ALPK1: variants seen among roughly 807,000 people sequenced by gnomAD.
ALPK1 encodes alpha kinase 1.
A neutral mutation model predicts 120.6 loss-of-function variants in ALPK1; 110 were observed. The ratio of observed to expected loss-of-function variants is 0.91; its 90% CI spans 0.78 to 1.07. ALPK1 has a LOEUF of 1.07. Ranked by LOEUF, ALPK1 falls within the 50% of genes least tolerant of loss-of-function variation. ALPK1 has a pLI of 0.00. For synonymous variants in ALPK1, 582 were observed against 560.3 expected, an observed-to-expected ratio of 1.04 and a Z score of -0.55; for missense variants, 1,498 against 1,483.9, an observed-to-expected ratio of 1.01 and a Z score of -0.16.
In ALPK1 at chr4:112,431,621, G is replaced by C; in HGVS notation, c.2074G>C (p.Glu692Gln). ...CTTGGCCCCTGGTGCAGGGCTTCTAGAAGGAGCTCCAGAAGGTATCCAGGA... is the reference window on the plus strand; with the variant it reads ...CTTGGCCCCTGGTGCAGGGCTTCTACAAGGAGCTCCAGAAGGTATCCAGGA... Reference protein sequence around the residue: ...IFLAPGAGLLEGAPEGIQEVR... With the variant: ...IFLAPGAGLLQGAPEGIQEVR... The change falls in exon 11 of 16, where the codon GAA becomes CAA. Residue 692 changes from glutamate (E) to glutamine (Q), a missense_variant. By Grantham distance (29) the Glu-to-Gln change is conservative. Coordinates refer to ENST00000650871, the MANE Select transcript of ALPK1 (RefSeq NM_025144.4). 2 of 1,614,150 alleles carry C rather than the reference G, an allele frequency of 1.2e-6. No individual in the cohort carries two copies. The highest frequency in any genetic ancestry group is 1.7e-6 in the Non-Finnish European group (2 of 1,180,016).
At chr4:112,372,639 A>G (rs2148723504) in intron 2 of ALPK1, among the ~76,000 whole-genome samples, 1 of 152,290 alleles carries the variant, frequency 6.6e-6, no homozygotes, top group East Asian at 1.9e-4. Context: ...AGAACACTTA[A>G]AATCTACTCT....
chr4:112,380,518 C>A (rs1731854461), intron 3 of ALPK1, among the ~76,000 whole-genome samples: 1 of 152,128 alleles, frequency 6.6e-6, no homozygotes, highest in African/African-American at 2.4e-5. Flanking sequence ...ACAGTCCTTC[C>A]CCACCAGAAA....
intron 2 of ALPK1, among the ~76,000 whole-genome samples, chr4:112,328,814 G>A (rs897553642): frequency 3.9e-5 from 6 of 152,178 alleles, no homozygotes; most frequent in African/African-American, 7.2e-5. Context: ...GGCCTGGGAT[G>A]TTTTGTTGAT....
At chr4:112,414,471 G>T (rs1387482213) in intron 5 of ALPK1, 7 of 341,096 alleles carry the variant, frequency 2.1e-5, no homozygotes. Flanking sequence ...AGCCAGGCGT[G>T]GTGGCAGCCG....
intron 2 of ALPK1, among the ~76,000 whole-genome samples, chr4:112,355,500 C>T (rs1164590402): frequency 2.0e-5 from 3 of 152,178 alleles, no homozygotes; most frequent in African/African-American, 4.8e-5. Flanking sequence ...GCGGTCGGCT[C>T]ACACTCGGGC....
chr4:112,369,243 G>T lies in ALPK1; in HGVS notation c.-100-8435G>T, dbSNP rs532073490. On this transcript the variant is annotated intron_variant, in intron 2 of 15. Transcript: ENST00000650871. ...ATGCAGTTTTAAAATGCTGACAAAT[G>T]CCTGTTACCCAATAATATCTTTCTG... Among the ~76,000 whole-genome samples the T allele has an allele frequency of 3.3e-5, 5 of 152,208 alleles. No individual in the cohort carries two copies. The East Asian group carries it at 5.8e-4, about 18-fold the overall frequency.
intron 2 of ALPK1, among the ~76,000 whole-genome samples, chr4:112,332,676 T>C (rs1312413663): frequency 6.6e-6 from 1 of 152,134 alleles, no homozygotes; most frequent in Non-Finnish European, 1.5e-5. Flanking sequence ...TACAGGAACT[T>C]GGAAAATAAA....
chr4:112,341,987 A>G (rs1173384318), intron 2 of ALPK1, among the ~76,000 whole-genome samples: 1 of 152,220 alleles, frequency 6.6e-6, no homozygotes, highest in African/African-American at 2.4e-5. Context: ...TTGACCAACA[A>G]TTTGACTTCC....
chr4:112,398,304 T>C (rs1025067946), intron 4 of ALPK1, among the ~76,000 whole-genome samples: 6 of 152,182 alleles, frequency 3.9e-5, no homozygotes, highest in Non-Finnish European at 1.5e-5. Flanking sequence ...TTAATTTTTT[T>C]AAGAGACAGC....
chr4:112,354,704 G>A (rs1390434602), intron 2 of ALPK1, among the ~76,000 whole-genome samples: 1 of 152,166 alleles, frequency 6.6e-6, no homozygotes, highest in Non-Finnish European at 1.5e-5. Flanking sequence ...CTGGCCTCAA[G>A]TGATCCACCC....
intron 2 of ALPK1, among the ~76,000 whole-genome samples, chr4:112,325,156 A>G (rs1729058091): frequency 6.6e-6 from 1 of 152,266 alleles, no homozygotes. Flanking sequence ...ATACAAAGTA[A>G]TCACTGATGA....
intron 2 of ALPK1, among the ~76,000 whole-genome samples, chr4:112,319,144 A>G (rs1728757741): frequency 6.6e-6 from 1 of 152,242 alleles, no homozygotes; most frequent in Non-Finnish European, 1.5e-5. Context: ...CTAGTGGTCC[A>G]AACTAAACAG....
intron 4 of ALPK1, among the ~76,000 whole-genome samples, chr4:112,407,592 T>A (rs1642326902): frequency 6.6e-6 from 1 of 152,244 alleles, no homozygotes; most frequent in Non-Finnish European, 1.5e-5. Flanking sequence ...ATCTCACAGC[T>A]TCAGCTTCCT....
chr4:112,433,482 G>A (rs1734666141), intron 11 of ALPK1, among the ~76,000 whole-genome samples: 1 of 152,108 alleles, frequency 6.6e-6, no homozygotes, highest in African/African-American at 2.4e-5. Context: ...AATTTAGGGG[G>A]GATAAAAACT....
At chr4:112,356,942 C>T (rs561982703) in intron 2 of ALPK1, 2 of 761,402 alleles carry the variant, frequency 2.6e-6, no homozygotes, top group Non-Finnish European at 2.4e-6. Context: ...CCCCCATGAC[C>T]CGAGTTCGGG....
At chr4:112,364,038 A>G (rs1731029158) in intron 2 of ALPK1, among the ~76,000 whole-genome samples, 1 of 152,168 alleles carries the variant, frequency 6.6e-6, no homozygotes, top group Non-Finnish European at 1.5e-5. Context: ...AACCTATCAA[A>G]ACCTCTGGGA....
chr4:112,392,913 A>C (rs1190931866), intron 4 of ALPK1, among the ~76,000 whole-genome samples: 1 of 152,238 alleles, frequency 6.6e-6, no homozygotes, highest in Non-Finnish European at 1.5e-5. Flanking sequence ...GTCATGCTGC[A>C]GACAGATTTA....
At chr4:112,356,678 G>T in intron 2 of ALPK1, 1 of 964,696 alleles carries the variant, frequency 1.0e-6, no homozygotes, top group Non-Finnish European at 1.7e-6. Flanking sequence ...GAAAAGCCTG[G>T]AGCAGGAGCT....
chr4:112,409,241 A>G (rs1194717633), intron 4 of ALPK1, among the ~76,000 whole-genome samples: 1 of 152,102 alleles, frequency 6.6e-6, no homozygotes, highest in African/African-American at 2.4e-5. Context: ...AAGGGTGTCA[A>G]GGCCAAGTAG....
Sources: allele counts gnomAD v4.1 joint callset (sites outside exome capture counted in the v4.1 genomes callset), GRCh38; gene constraint gnomAD v4.1.1; transcripts MANE v1.5; gene names NCBI Gene and HGNC (gene_info 2026-07-23, HGNC 2026-07-21).